KCNIP4: variants seen among roughly 807,000 people sequenced by gnomAD.
KCNIP4 encodes potassium voltage-gated channel interacting protein 4, also known as Kv channel-interacting protein 4.
KCNIP4 carries 12 observed loss-of-function variants against 34.0 expected under a neutral mutation model. The ratio of observed to expected loss-of-function variants is 0.35; its 90% CI spans 0.23 to 0.57. The LOEUF (loss-of-function observed/expected upper bound fraction) is 0.57. Among genes scored for constraint, KCNIP4 ranks in the 20% least tolerant of loss-of-function variants. KCNIP4 has a pLI of 0.83. For missense variants in KCNIP4, 238 were observed against 311.7 expected, an observed-to-expected ratio of 0.76 and a Z score of 1.78; for synonymous variants, 124 against 102.2, an observed-to-expected ratio of 1.21 and a Z score of -1.29.
At chr4:21,609,095 C>T (rs949581954) in intron 1 of KCNIP4, 13 of 151,908 alleles carry the variant, frequency 8.6e-5, no homozygotes, top group African/African-American at 2.7e-4. Context: ...TAAAAGTCCT[C>T]CAAGAGATTA....
chr4:21,147,061 C>G (rs766763782), intron 1 of KCNIP4, among the ~76,000 whole-genome samples: 2 of 152,036 alleles, frequency 1.3e-5, no homozygotes, highest in Non-Finnish European at 2.9e-5. Context: ...GGAGGTGGAC[C>G]AGAAGGGTTA....
intron 1 of KCNIP4, chr4:21,852,182 T>C (rs1322284613): frequency 6.8e-6 from 1 of 146,548 alleles, no homozygotes; most frequent in Non-Finnish European, 1.5e-5. Context: ...GCTCTCTATT[T>C]TACTAAAGTC....
At chr4:21,510,127 A>T (rs1032645483) in intron 1 of KCNIP4, among the ~76,000 whole-genome samples, 2 of 151,588 alleles carry the variant, frequency 1.3e-5, no homozygotes, top group African/African-American at 2.4e-5. Flanking sequence ...ATATCATGTA[A>T]AATTGCAGCA....
chr4:21,203,711 C>A (rs1286245096), intron 1 of KCNIP4, among the ~76,000 whole-genome samples: 1 of 152,176 alleles, frequency 6.6e-6, no homozygotes, highest in Non-Finnish European at 1.5e-5. Context: ...TTCTAAGAAC[C>A]TTATATCAGA....
intron 1 of KCNIP4, among the ~76,000 whole-genome samples, chr4:21,226,961 T>A (rs991212204): frequency 6.6e-6 from 1 of 152,172 alleles, no homozygotes; most frequent in South Asian, 2.1e-4. Flanking sequence ...CAGCCTCTGA[T>A]TCTCTGAAAT....
In KCNIP4 at chr4:21,553,958, T is replaced by C. The variant is rs185279279; in HGVS notation, c.61+394613A>G. On this transcript the variant is annotated intron_variant, in intron 1 of 8. Transcript: ENST00000382152. ...TTCTCAGGCTTAAGAGAGTGACATA[T>C]CTTTCAGTGGGGAAGGGGCACAATT... 3.7e-4 allele frequency among the ~76,000 whole-genome samples: 56 copies of C among 152,224 alleles called. No homozygotes were observed. In the East Asian group the frequency reaches 9.3e-3, roughly 25 times the overall value.
chr4:21,863,679 GA>G (rs2070352151), intron 1 of KCNIP4, among the ~76,000 whole-genome samples: 1 of 152,080 alleles, frequency 6.6e-6, no homozygotes, highest in African/African-American at 2.4e-5. Flanking sequence ...AAGAAATGGA[GA>G]AACAAAAAGT....
At chr4:21,102,584 G>A (rs1748046460) in intron 1 of KCNIP4, among the ~76,000 whole-genome samples, 1 of 152,160 alleles carries the variant, frequency 6.6e-6, no homozygotes, top group Admixed American at 6.6e-5. Context: ...ATGGAAGTCT[G>A]TGACATATAA....
chr4:21,652,374 T>C (rs1747565775), intron 1 of KCNIP4, among the ~76,000 whole-genome samples: 1 of 152,084 alleles, frequency 6.6e-6, no homozygotes, highest in South Asian at 2.1e-4. Context: ...GATGAAAAAG[T>C]ATAGGGAGAA....
chr4:21,671,601 C>A (rs144654456), intron 1 of KCNIP4, among the ~76,000 whole-genome samples: 1 of 152,106 alleles, frequency 6.6e-6, no homozygotes, highest in Non-Finnish European at 1.5e-5. Flanking sequence ...TTTCTCTTGG[C>A]TATATACTTC....
chr4:21,883,319 A>T (rs529595730), intron 1 of KCNIP4, among the ~76,000 whole-genome samples: 21 of 152,054 alleles, frequency 1.4e-4, no homozygotes, highest in African/African-American at 4.1e-4. Flanking sequence ...CTAATTATTT[A>T]AAAAAATTTT....
intron 1 of KCNIP4, among the ~76,000 whole-genome samples, chr4:21,769,969 A>C (rs573627627): frequency 6.6e-6 from 1 of 152,006 alleles, no homozygotes; most frequent in South Asian, 2.1e-4. Context: ...CTGCCAATCA[A>C]TTCATACCAG....
intron 1 of KCNIP4, among the ~76,000 whole-genome samples, chr4:21,606,099 A>C (rs1743637607): frequency 6.6e-6 from 1 of 152,172 alleles, no homozygotes; most frequent in African/African-American, 2.4e-5. Context: ...ATGCCTGGAT[A>C]GCCAGAGAAA....
At chr4:21,122,458 T>G (rs1195464578) in intron 1 of KCNIP4, among the ~76,000 whole-genome samples, 1 of 49,922 alleles carries the variant, frequency 2.0e-5, no homozygotes, top group Non-Finnish European at 3.5e-5. Flanking sequence ...GCAGATCAAG[T>G]TTTTTTTTTT....
chr4:20,793,655 T>C (rs1313159866), intron 3 of KCNIP4, among the ~76,000 whole-genome samples: 2 of 152,100 alleles, frequency 1.3e-5, no homozygotes, highest in Non-Finnish European at 2.9e-5. Flanking sequence ...CCACATTACA[T>C]TTATGGTGTA....
intron 1 of KCNIP4, among the ~76,000 whole-genome samples, chr4:21,216,122 G>A (rs1757558847): frequency 2.0e-5 from 3 of 152,196 alleles, no homozygotes; most frequent in African/African-American, 7.2e-5. Flanking sequence ...TGAATGCAAA[G>A]GGCGGTTGAG....
chr4:21,054,472 T>TCA (rs1743226432), intron 1 of KCNIP4, among the ~76,000 whole-genome samples: 1 of 146,550 alleles, frequency 6.8e-6, no homozygotes, highest in Non-Finnish European at 1.5e-5. Flanking sequence ...AGAGCAGAGA[T>TCA]CACACCATTG....
chr4:21,397,664 C>T (rs542844847), intron 1 of KCNIP4, among the ~76,000 whole-genome samples: 90 of 152,220 alleles, frequency 5.9e-4, no homozygotes, highest in Middle Eastern at 6.8e-3. Flanking sequence ...TATAACATTG[C>T]TTCTGCCTGA....
chr4:20,855,207 T>A (rs1009760400), intron 2 of KCNIP4, among the ~76,000 whole-genome samples: 1 of 152,138 alleles, frequency 6.6e-6, no homozygotes, highest in African/African-American at 2.4e-5. Context: ...GTCTCAAATA[T>A]CATCCTTCAG....
Sources: gnomAD v4.1 joint callset for allele counts (sites outside exome capture counted in the v4.1 genomes callset) on GRCh38, gnomAD v4.1.1 for gene constraint, MANE v1.5 for transcripts, NCBI Gene and HGNC (gene_info 2026-07-23, HGNC 2026-07-21) for gene names.